The following OCA2 variants were observed in gnomAD, a reference collection of about 807,000 sequenced individuals.
OCA2 encodes OCA2 melanosomal transmembrane protein.
Under a neutral mutation model 100.2 loss-of-function variants are expected in OCA2, and 77 were observed. The observed-to-expected ratio is 0.77, with a 90% CI of 0.64 to 0.93. The LOEUF (loss-of-function observed/expected upper bound fraction) is 0.93, where lower values mean the gene tolerates loss of function less well. Among genes scored for constraint, OCA2 ranks in the 40% least tolerant of loss-of-function variants. OCA2 has a pLI of 0.00. For synonymous variants in OCA2, 432 were observed against 439.2 expected, an observed-to-expected ratio of 0.98 and a Z score of 0.21; for missense variants, 1,062 against 1,089.1, an observed-to-expected ratio of 0.98 and a Z score of 0.35.
At chr15:27,917,869 A>T (rs2038722433) in intron 19 of OCA2, among the ~76,000 whole-genome samples, 1 of 152,070 alleles carries the variant, frequency 6.6e-6, no homozygotes, top group African/African-American at 2.4e-5. Context: ...CACTTTTCAG[A>T]AAGAGTGTTA....
intron 23 of OCA2, among the ~76,000 whole-genome samples, chr15:27,839,965 T>C (rs943116388): frequency 1.3e-5 from 2 of 152,140 alleles, no homozygotes; most frequent in Non-Finnish European, 2.9e-5. Context: ...GAAGAACTGT[T>C]ATTAAACATC....
intron 19 of OCA2, among the ~76,000 whole-genome samples, chr15:27,918,029 C>T (rs1346413895): frequency 6.6e-6 from 1 of 151,444 alleles, no homozygotes; most frequent in Non-Finnish European, 1.5e-5. Context: ...AACCACAATT[C>T]ATACAATGTT....
chr15:27,798,797 C>G (rs181640132), intron 23 of OCA2, among the ~76,000 whole-genome samples: 2 of 152,304 alleles, frequency 1.3e-5, no homozygotes, highest in Admixed American at 1.3e-4. Context: ...CATTTTGTGC[C>G]CTTCTTTAGA....
intron 3 of OCA2, among the ~76,000 whole-genome samples, chr15:28,030,926 T>C (rs1360707352): frequency 6.6e-6 from 1 of 152,230 alleles, no homozygotes. Context: ...TACATTGTTT[T>C]GTAAAATGTT....
At chr15:27,817,146 C>T (rs560776989) in intron 23 of OCA2, among the ~76,000 whole-genome samples, 7 of 152,280 alleles carry the variant, frequency 4.6e-5, no homozygotes, top group South Asian at 2.1e-4. Context: ...CTGTATTTTT[C>T]GCCTTCTTTA....
At chr15:27,765,765 C>T (rs779216162) in intron 23 of OCA2, among the ~76,000 whole-genome samples, 1 of 152,220 alleles carries the variant, frequency 6.6e-6, no homozygotes, top group Non-Finnish European at 1.5e-5. Flanking sequence ...TAAGCCCGAC[C>T]CTCGGTTTGG....
intron 9 of OCA2, among the ~76,000 whole-genome samples, chr15:28,004,585 CTA>C (rs2042033432): frequency 6.6e-6 from 1 of 152,078 alleles, no homozygotes; most frequent in South Asian, 2.1e-4. Context: ...CACTCACACA[CTA>C]ACTGGTATAC....
At chr15:27,936,060 A>G (rs1402833431) in intron 18 of OCA2, among the ~76,000 whole-genome samples, 1 of 152,218 alleles carries the variant, frequency 6.6e-6, no homozygotes, top group Non-Finnish European at 1.5e-5. Flanking sequence ...CCACCCTTTC[A>G]TGAAGTACTA....
chr15:27,727,355 G>A, the OCA2 span, among the ~76,000 whole-genome samples: 1 of 152,218 alleles, frequency 6.6e-6, no homozygotes, highest in Non-Finnish European at 1.5e-5. Context: ...TGTTACAGAA[G>A]TGGTAACTTT....
At chr15:27,909,651 A>C (rs1567092448) in intron 19 of OCA2, among the ~76,000 whole-genome samples, 1 of 152,190 alleles carries the variant, frequency 6.6e-6, no homozygotes. Flanking sequence ...ACTGGAGTAC[A>C]AGTGTCCAGT....
At chr15:27,722,546 A>G in the OCA2 span, among the ~76,000 whole-genome samples, 100 of 152,260 alleles carry the variant, frequency 6.6e-4, no homozygotes, top group African/African-American at 2.2e-3. Flanking sequence ...CCTAACTGTG[A>G]TGTCCCCACT....
chr15:27,767,919 A>C (rs1390683361), intron 23 of OCA2, among the ~76,000 whole-genome samples: 1 of 152,198 alleles, frequency 6.6e-6, no homozygotes, highest in East Asian at 1.9e-4. Context: ...CTGGAGTCAG[A>C]GGGGTCGCAT....
intron 19 of OCA2, among the ~76,000 whole-genome samples, chr15:27,922,020 T>C (rs2038875725): frequency 6.6e-6 from 1 of 152,232 alleles, no homozygotes; most frequent in African/African-American, 2.4e-5. Context: ...AAGACAATCA[T>C]AAGAAACAAA....
intron 14 of OCA2, among the ~76,000 whole-genome samples, chr15:27,979,866 GTGT>G (rs2041091788): frequency 9.9e-6 from 1 of 100,612 alleles, no homozygotes; most frequent in Non-Finnish European, 2.3e-5. Flanking sequence ...TGCCCAGCTA[GTGT>G]TTTTTTTTTT....
intron 2 of OCA2, among the ~76,000 whole-genome samples, chr15:28,041,321 T>TA (rs3071601): frequency 0.012 from 1,801 of 145,016 alleles, 9 homozygotes; most frequent in Non-Finnish European, 0.019. Context: ...CTTTCATGAT[T>TA]AAAAAAAAAA....
chr15:27,804,009 G>A (rs551888204), intron 23 of OCA2, among the ~76,000 whole-genome samples: 1 of 152,082 alleles, frequency 6.6e-6, no homozygotes. Context: ...TGTGGTGACG[G>A]TTTCACAGGG....
At chr15:27,749,649 A>AT in the OCA2 span, among the ~76,000 whole-genome samples, 1 of 133,622 alleles carries the variant, frequency 7.5e-6, no homozygotes, top group African/African-American at 2.8e-5. Context: ...AGGCCATGGT[A>AT]TACAGGATCT....
the OCA2 span, among the ~76,000 whole-genome samples, chr15:27,723,686 G>A: frequency 6.6e-6 from 1 of 152,124 alleles, no homozygotes; most frequent in Non-Finnish European, 1.5e-5. Flanking sequence ...GCCCATCCTT[G>A]GTGAGTAGAT....
At chr15:28,087,728 C>T (rs1331397087) in intron 1 of OCA2, among the ~76,000 whole-genome samples, 1 of 152,096 alleles carries the variant, frequency 6.6e-6, no homozygotes, top group African/African-American at 2.4e-5. Flanking sequence ...GCCTGGGTGA[C>T]AGAGTGAGAC....
Sources: allele counts gnomAD v4.1 joint callset (sites outside exome capture counted in the v4.1 genomes callset), GRCh38; gene constraint gnomAD v4.1.1; transcripts MANE v1.5; gene names NCBI Gene and HGNC (gene_info 2026-07-23, HGNC 2026-07-21).